The following TRPM6 variants were observed in gnomAD, a reference collection of about 807,000 sequenced individuals.
TRPM6 encodes the protein channel kinase 2.
In TRPM6, 111 loss-of-function variants were observed where a neutral mutation model predicts 247.6. The ratio of observed to expected loss-of-function variants is 0.45; its 90% confidence interval spans 0.38 to 0.52. TRPM6 has a LOEUF of 0.52. Ranked by LOEUF, TRPM6 falls within the 20% of genes least tolerant of loss-of-function variation. TRPM6 has a pLI of 0.00. For missense variants in TRPM6, 2,126 were observed against 2,421.5 expected (o/e 0.88, Z 2.56); for synonymous variants, 892 against 853.8 (o/e 1.04, Z -0.78).
chr9:74,845,158 A>G (rs1229907049), intron 3 of TRPM6, among the ~76,000 whole-genome samples: 3 of 152,250 alleles, frequency 2.0e-5, no homozygotes, highest in Non-Finnish European at 4.4e-5. Context: ...TATTGCGAGA[A>G]TTATTAAAAT....
chr9:74,834,896 T>C (rs903409180), intron 5 of TRPM6, among the ~76,000 whole-genome samples: 1 of 152,128 alleles, frequency 6.6e-6, no homozygotes, highest in African/African-American at 2.4e-5. Flanking sequence ...GCAATAAACA[T>C]ACGTGTGCAT....
chr9:74,752,475 G>T, intron 28 of TRPM6, 107 bp from the exon 29 acceptor site: 1 of 679,818 alleles, frequency 1.5e-6, no homozygotes, highest in South Asian at 1.8e-5. Context: ...TTTAAACTTG[G>T]ATATAGTTTT....
At position 74,739,425 on chromosome 9, in the gene TRPM6, G is replaced by A. The variant is rs769940299; in HGVS notation, c.5512C>T (p.Gln1838Ter). The A allele has an allele frequency of 6.2e-7, 1 of 1,614,052 alleles. No homozygotes were observed. Among genetic ancestry groups the A allele is most frequent in the South Asian group, 1.1e-5 (1 of 91,062 alleles). Residue 1838 changes from glutamine (Q) to a stop codon, truncating the protein, a stop_gained, in exon 35 of 39, where the codon CAA becomes TAA. Transcript: ENST00000360774. LOFTEE classifies it high-confidence loss of function. The stretch of plus-strand genomic sequence containing the variant: ...TGGTTGAAGGTATAGATCAATTTTT[G>A]AGCAGCTCTTTGTTGTTGAATTTCC... ...LREIQQQRAA[Q>*]KLIYTFNQVK...
At chr9:74,836,514 C>T (rs1829725474) in intron 5 of TRPM6, among the ~76,000 whole-genome samples, 1 of 152,296 alleles carries the variant, frequency 6.6e-6, no homozygotes, top group South Asian at 2.1e-4. Context: ...CCATCCACCC[C>T]AGTAGAGATT....
intron 14 of TRPM6, chr9:74,804,847 GAA>G: frequency 4.6e-6 from 2 of 431,152 alleles, no homozygotes; most frequent in South Asian, 8.6e-5. Context: ...TCTAAAAAAA[GAA>G]AAGTCCGAAG....
chr9:74,818,908 T>C (rs984856492), intron 9 of TRPM6, among the ~76,000 whole-genome samples: 4 of 152,076 alleles, frequency 2.6e-5, no homozygotes, highest in Admixed American at 2.0e-4. Flanking sequence ...AAAATTCTTA[T>C]ACAATTTGCT....
In TRPM6 at chr9:74,842,348, A is replaced by C. The variant is rs760564967; in HGVS notation, c.153-5T>G. 7 of 1,614,030 alleles carry C rather than the reference A, an allele frequency of 4.3e-6. No individual in the cohort carries two copies. The Admixed American group carries it at 1.2e-4, about 27-fold the overall frequency. The stretch of plus-strand genomic sequence containing the variant: ...ATCAGTCGGCCACAGTAACACCTTA[A>C]ATTCAAGACCAAAAAAAAACTCAAC... On this transcript the variant is annotated splice_region_variant and splice_polypyrimidine_tract_variant and intron_variant, in intron 3 of 38. Transcript: ENST00000360774.
At chr9:74,725,856 C>T (rs1380787728) in intron 38 of TRPM6, among the ~76,000 whole-genome samples, 1 of 152,160 alleles carries the variant, frequency 6.6e-6, no homozygotes, top group Non-Finnish European at 1.5e-5. Context: ...ATTCAATCTT[C>T]ACACAAACTT....
chr9:74,869,269 G>A (rs771193008), intron 1 of TRPM6, among the ~76,000 whole-genome samples: 1 of 151,972 alleles, frequency 6.6e-6, no homozygotes, highest in Non-Finnish European at 1.5e-5. Flanking sequence ...AGGAGATCGA[G>A]ACCATCCTGA....
At chr9:74,794,789 T>G (rs1416672477) in intron 18 of TRPM6, among the ~76,000 whole-genome samples, 1 of 152,168 alleles carries the variant, frequency 6.6e-6, no homozygotes, top group East Asian at 1.9e-4. Flanking sequence ...TTCAGATTTT[T>G]TTTTACTGAG....
At chr9:74,835,886 C>A (rs77075084) in intron 5 of TRPM6, among the ~76,000 whole-genome samples, 3,924 of 152,138 alleles carry the variant, frequency 0.026, 162 homozygotes, top group African/African-American at 0.087. Context: ...ACAAACACAG[C>A]CTCCCCGACT....
intron 24 of TRPM6, among the ~76,000 whole-genome samples, chr9:74,772,774 G>A (rs772966957): frequency 9.9e-5 from 15 of 152,134 alleles, no homozygotes; most frequent in East Asian, 1.9e-4. Context: ...TTGGGAGGCC[G>A]AGGCAGGTGG....
intron 25 of TRPM6, among the ~76,000 whole-genome samples, chr9:74,771,252 C>T (rs531225446): frequency 9.2e-5 from 14 of 152,366 alleles, no homozygotes; most frequent in South Asian, 6.2e-4. Context: ...ACTCAACCCC[C>T]AGCTCCGCTA....
At chr9:74,861,080 T>C (rs943911898) in intron 1 of TRPM6, among the ~76,000 whole-genome samples, 3 of 152,208 alleles carry the variant, frequency 2.0e-5, no homozygotes, top group African/African-American at 7.2e-5. Context: ...CAGTCAGCCC[T>C]GTCCCCTATT....
chr9:74,814,247 G>A (rs1157133084), intron 11 of TRPM6, among the ~76,000 whole-genome samples: 2 of 152,068 alleles, frequency 1.3e-5, no homozygotes, highest in Admixed American at 6.6e-5. Context: ...AGCTGAAAAT[G>A]AAAACAATTG....
At chr9:74,790,079 T>C (rs1284121941) in intron 19 of TRPM6, among the ~76,000 whole-genome samples, 1 of 151,688 alleles carries the variant, frequency 6.6e-6, no homozygotes, top group Admixed American at 6.6e-5. Context: ...TTGATTCCTA[T>C]TTCTCATACA....
chr9:74,887,579 C>T, intron 1 of TRPM6: 4 of 1,508,402 alleles, frequency 2.7e-6, no homozygotes, highest in Non-Finnish European at 3.6e-6. Context: ...TGGCCGCATC[C>T]CAGCTCTTGA....
intron 1 of TRPM6, among the ~76,000 whole-genome samples, chr9:74,870,339 C>T (rs1830981071): frequency 6.7e-6 from 1 of 148,718 alleles, no homozygotes; most frequent in Non-Finnish European, 1.5e-5. Context: ...CCTTTGAATA[C>T]GTGGGTCTGC....
chr9:74,828,129 G>A (rs1338234160), intron 6 of TRPM6, among the ~76,000 whole-genome samples, 180 bp from the exon 7 acceptor site: 8 of 152,230 alleles, frequency 5.3e-5, no homozygotes, highest in East Asian at 1.9e-4. Flanking sequence ...CAAGGTGGGC[G>A]GATCACAAGG....
Sources: allele counts gnomAD v4.1 joint callset (sites outside exome capture counted in the v4.1 genomes callset), GRCh38; gene constraint gnomAD v4.1.1; transcripts MANE v1.5; gene names NCBI Gene and HGNC (gene_info 2026-07-23, HGNC 2026-07-21).